Variants in MGRN1 observed in about 807,000 individuals in gnomAD.
MGRN1 encodes the protein mahogunin ring finger 1.
MGRN1 carries 29 observed loss-of-function variants against 69.2 expected under a neutral mutation model. The observed-to-expected ratio is 0.42, with a 90% CI of 0.31 to 0.57. The LOEUF is 0.57. MGRN1 is among the 20% of genes least tolerant of loss of function. The pLI, the probability that MGRN1 is intolerant of heterozygous loss-of-function variation, is 0.15. For synonymous variants in MGRN1, 470 were observed against 344.2 expected (o/e 1.37, Z -4.04); for missense variants, 998 against 796.2 (o/e 1.25, Z -3.05).
At chr16:4,639,794 G>C (rs1487506840) in intron 1 of MGRN1, 4 of 152,244 alleles carry the variant, frequency 2.6e-5, no homozygotes, top group African/African-American at 9.7e-5. Context: ...CTCTGACCCG[G>C]TGGGCCCTGA....
chr16:4,632,429 T>G (rs989368973), intron 1 of MGRN1, among the ~76,000 whole-genome samples: 3 of 151,478 alleles, frequency 2.0e-5, no homozygotes, highest in East Asian at 3.9e-4. Context: ...AGTCTTGCTC[T>G]GTCGCCCAGG....
At chr16:4,672,653 A>T (rs2078965724) in intron 9 of MGRN1, 1 of 347,952 alleles carries the variant, frequency 2.9e-6, no homozygotes, top group South Asian at 2.1e-5. Flanking sequence ...AGCAGCGGGG[A>T]CTGTATAAAA....
chr16:4,637,165 C>T (rs1183226906), intron 1 of MGRN1, among the ~76,000 whole-genome samples: 2 of 149,286 alleles, frequency 1.3e-5, no homozygotes, highest in South Asian at 4.3e-4. Context: ...TTCAGTGGCT[C>T]ACACCTGTAA....
chr16:4,672,939 C>T (rs756638957), intron 9 of MGRN1, among the ~76,000 whole-genome samples: 2 of 152,098 alleles, frequency 1.3e-5, no homozygotes, highest in African/African-American at 4.8e-5. Flanking sequence ...CCTGGGTTCA[C>T]GCCATTCTCC....
At chr16:4,663,810 C>G (rs2078738268) in intron 5 of MGRN1, among the ~76,000 whole-genome samples, 1 of 152,242 alleles carries the variant, frequency 6.6e-6, no homozygotes. Context: ...TGGCACTGTG[C>G]TGGGCTGACT....
intron 11 of MGRN1, 145 bp downstream of exon 11, chr16:4,677,717 C>T: frequency 1.3e-6 from 1 of 773,674 alleles, no homozygotes; most frequent in East Asian, 3.0e-5. Flanking sequence ...GGCTGTGAGG[C>T]ATGAAGGGGG....
chr16:4,664,179 G>C (rs1388106472), intron 5 of MGRN1: 5 of 170,584 alleles, frequency 2.9e-5, no homozygotes, highest in Non-Finnish European at 5.1e-5. Context: ...TCCACACAGT[G>C]CCTGTTATTT....
At position 4,689,175 on chromosome 16, in the gene MGRN1, C is replaced by A; in HGVS notation, c.*267C>A. The A allele has an allele frequency of 2.2e-6, 1 of 445,026 alleles. No individual in the cohort carries two copies. The highest frequency in any genetic ancestry group is 3.8e-6 in the Non-Finnish European group (1 of 261,076). The allele number at this position is 445,026 out of a possible 1,614,324, so 27.6% of individuals were successfully genotyped here. A position where few individuals can be genotyped will look rare whatever the true frequency, so the allele number is the denominator to read the frequency against. ...TTCAGAGCCCCCGTTCCCCAGGGTC[C>A]TGTGGGCTGAGCGGCTGGGGCTGGG... On this transcript the variant is annotated 3_prime_UTR_variant, in exon 17 of 17. Transcript: ENST00000262370.
intron 1 of MGRN1, among the ~76,000 whole-genome samples, chr16:4,630,920 C>G (rs745632435): frequency 1.3e-5 from 2 of 151,438 alleles, no homozygotes; most frequent in African/African-American, 2.4e-5. Flanking sequence ...AGGTGATTCT[C>G]CCACCTCAGC....
intron 1 of MGRN1, among the ~76,000 whole-genome samples, chr16:4,632,541 C>T (rs537568070): frequency 6.6e-6 from 1 of 152,182 alleles, no homozygotes; most frequent in Admixed American, 6.5e-5. Flanking sequence ...CTACAGGCAC[C>T]CGCCACTACG....
At chr16:4,668,392 GAC>G (rs370360494) in intron 8 of MGRN1, 80 bp downstream of exon 8, 15 of 1,430,506 alleles carry the variant, frequency 1.0e-5, no homozygotes, top group Non-Finnish European at 1.4e-5. Flanking sequence ...CTCATACATA[GAC>G]ACACACTCAT....
chr16:4,641,091 C>T (rs2078146212), intron 1 of MGRN1, among the ~76,000 whole-genome samples: 1 of 152,226 alleles, frequency 6.6e-6, no homozygotes. Flanking sequence ...TCACAGTCTC[C>T]TTTTCTTTTT....
At chr16:4,681,512 C>A in intron 12 of MGRN1, 38 bp from the exon 13 acceptor site, 2 of 1,574,290 alleles carry the variant, frequency 1.3e-6, no homozygotes, top group South Asian at 1.1e-5. Context: ...GCAGGTGGTC[C>A]CTGGGCATGA....
At chr16:4,630,276 C>T (rs1484723999) in intron 1 of MGRN1, among the ~76,000 whole-genome samples, 6 of 144,140 alleles carry the variant, frequency 4.2e-5, no homozygotes, top group South Asian at 2.3e-4. Flanking sequence ...CGCTGGAACC[C>T]GGAGCGCGGC....
chr16:4,670,324 C>G (rs1489003656), intron 8 of MGRN1, among the ~76,000 whole-genome samples: 1 of 152,220 alleles, frequency 6.6e-6, no homozygotes, highest in Non-Finnish European at 1.5e-5. Context: ...CTTACTGTAG[C>G]CTCCACCTCC....
chr16:4,656,843 G>A lies in MGRN1; in HGVS notation c.444-403G>A, dbSNP rs1426261464. Among the ~76,000 whole-genome samples, 5 of 152,058 alleles carry A rather than the reference G, an allele frequency of 3.3e-5. No homozygotes were observed. In the South Asian group the frequency reaches 6.2e-4, roughly 19 times the overall value. On this transcript the variant is annotated intron_variant, in intron 4 of 16. Coordinates refer to ENST00000262370, the MANE Select transcript of MGRN1 (RefSeq NM_015246.4). ...TGCAGTGAGCTGAGATCACAACACT[G>A]CACTCCAGCCCAGGCGACAGAGCGA...
chr16:4,686,390 T>G, intron 16 of MGRN1: 1 of 1,500,620 alleles, frequency 6.7e-7, no homozygotes, highest in Non-Finnish European at 8.9e-7. Flanking sequence ...CGGGGGTTCC[T>G]TCTGGTTTTT....
rs77634053 is a variant in MGRN1 at position 4,645,019 on chromosome 16, A to C, written c.89-5346A>C. 3.4e-3 allele frequency among the ~76,000 whole-genome samples: 514 copies of C among 152,286 alleles called. 1 individual carries two copies. The highest frequency in any genetic ancestry group is 0.012 in the African/African-American group (491 of 41,538). ...TTAATTGTAGAAAACTTAATTTTAA[A>C]AAGATAAAGGAAAAAATTAATAATC... is the stretch of plus-strand genomic sequence containing the variant. On this transcript the variant is annotated intron_variant, in intron 1 of 16. Coordinates refer to ENST00000262370, the MANE Select transcript of MGRN1 (RefSeq NM_015246.4).
intron 1 of MGRN1, chr16:4,640,023 C>T (rs971776019): frequency 1.3e-5 from 2 of 152,300 alleles, no homozygotes; most frequent in Admixed American, 1.3e-4. Flanking sequence ...GCCTTTCGCC[C>T]GCGTTCTTGG....
Sources: gnomAD v4.1 joint callset for allele counts (sites outside exome capture counted in the v4.1 genomes callset) on GRCh38, gnomAD v4.1.1 for gene constraint, MANE v1.5 for transcripts, NCBI Gene and HGNC (gene_info 2026-07-23, HGNC 2026-07-21) for gene names.